Variants in LAMB3 observed in about 807,000 individuals in gnomAD.
The protein encoded by LAMB3 is laminin subunit beta 3.
In LAMB3, 104 loss-of-function variants were observed where a neutral mutation model predicts 140.3. That is an observed-to-expected ratio of 0.74 (90% CI 0.63 to 0.87). The LOEUF is 0.87. Among genes scored for constraint, LAMB3 ranks in the 40% least tolerant of loss-of-function variants. The probability of loss-of-function intolerance (pLI) is 0.00; values close to 1 mark genes in which losing one functional copy is unlikely to be tolerated. For synonymous variants in LAMB3, 592 were observed against 602.9 expected (o/e 0.98, Z 0.26); for missense variants, 1,531 against 1,575.2 (o/e 0.97, Z 0.47).
chr1:209,636,041 A>G (rs1047572664), intron 5 of LAMB3, among the ~76,000 whole-genome samples: 1 of 152,046 alleles, frequency 6.6e-6, no homozygotes, highest in South Asian at 2.1e-4. Flanking sequence ...AGATCTTTTG[A>G]TACCTGACTG....
chr1:209,648,400 C>T (rs545184058), intron 3 of LAMB3, among the ~76,000 whole-genome samples: 2 of 152,260 alleles, frequency 1.3e-5, no homozygotes, highest in South Asian at 4.1e-4. Context: ...TCTATTCTTT[C>T]CAAAAGGCTA....
At chr1:209,621,451 G>T (rs1046032883) in intron 18 of LAMB3, among the ~76,000 whole-genome samples, 2 of 152,126 alleles carry the variant, frequency 1.3e-5, no homozygotes, top group Non-Finnish European at 2.9e-5. Context: ...CCTATCTGGG[G>T]CAAAAACACT....
chr1:209,647,206 G>C (rs1331239324), intron 3 of LAMB3, among the ~76,000 whole-genome samples: 3 of 152,272 alleles, frequency 2.0e-5, no homozygotes, highest in Admixed American at 2.0e-4. Flanking sequence ...GCAAGCCCTT[G>C]AGACCAGTGG....
intron 3 of LAMB3, among the ~76,000 whole-genome samples, chr1:209,645,664 C>T (rs1422826443): frequency 2.0e-5 from 3 of 149,344 alleles, no homozygotes; most frequent in Non-Finnish European, 2.9e-5. Flanking sequence ...TGCTGTGAGC[C>T]GAGATCATGC....
chr1:209,623,782 G>A lies in LAMB3; in HGVS notation c.2138-57C>T. 1 of 1,613,398 alleles carries A rather than the reference G, an allele frequency of 6.2e-7. No individual in the cohort carries two copies. The highest frequency in any genetic ancestry group is 1.1e-5 in the South Asian group (1 of 91,056). On this transcript the variant is annotated intron_variant, in intron 15 of 22. Transcript: ENST00000356082. The surrounding 1 kb of genome is among the most constrained non-coding windows in gnomAD (Gnocchi z 4.2). ...AGGAGGAGCAGGAGGGAGAGGGGGT[G>A]GCATGCCCACCACGGCAGTGCCCAT...
chr1:209,635,072 C>T (rs569659184), intron 5 of LAMB3, among the ~76,000 whole-genome samples: 49 of 152,230 alleles, frequency 3.2e-4, no homozygotes, highest in African/African-American at 1.2e-3. Context: ...TCTGTGAGAG[C>T]TTCAATCAGT....
intron 5 of LAMB3, among the ~76,000 whole-genome samples, chr1:209,635,358 G>A (rs1002072030): frequency 1.1e-4 from 16 of 151,878 alleles, no homozygotes; most frequent in African/African-American, 3.9e-4. Flanking sequence ...CTTTCCCCAC[G>A]TTCACTCTTA....
chr1:209,643,710 T>G (rs965895554), intron 3 of LAMB3, among the ~76,000 whole-genome samples: 1 of 151,950 alleles, frequency 6.6e-6, no homozygotes, highest in Non-Finnish European at 1.5e-5. Flanking sequence ...GCTCTGATTA[T>G]GCATGGCCCA....
At chr1:209,617,022 C>T (rs1665991159) in intron 21 of LAMB3, among the ~76,000 whole-genome samples, 1 of 152,228 alleles carries the variant, frequency 6.6e-6, no homozygotes, top group South Asian at 2.1e-4. Flanking sequence ...TCTTCTCTCT[C>T]ATCTAATTCT....
intron 3 of LAMB3, among the ~76,000 whole-genome samples, chr1:209,649,367 G>A (rs150804832): frequency 1.3e-5 from 2 of 152,270 alleles, no homozygotes; most frequent in East Asian, 3.9e-4. Context: ...GAAAACCAAA[G>A]TTCCTATAAA....
At chr1:209,626,214 A>G (rs1337028150) in intron 13 of LAMB3, among the ~76,000 whole-genome samples, 188 bp from the exon 14 acceptor site, 1 of 152,240 alleles carries the variant, frequency 6.6e-6, no homozygotes, top group Non-Finnish European at 1.5e-5. Flanking sequence ...AGCACCTACC[A>G]TGTGCCAGGC....
intron 18 of LAMB3, 158 bp from the exon 19 acceptor site, chr1:209,618,817 C>T (rs532785137): frequency 4.3e-6 from 3 of 703,938 alleles, no homozygotes; most frequent in East Asian, 2.7e-5. Context: ...GACTCAGGCG[C>T]CTGTTCTCCA....
In LAMB3 at chr1:209,618,633, G is replaced by C. The variant is rs573410951; in HGVS notation, c.2728C>G (p.Gln910Glu). The C allele has an allele frequency of 6.2e-7, 1 of 1,612,752 alleles. No homozygotes were observed. Among genetic ancestry groups the C allele is most frequent in the South Asian group, 1.1e-5 (1 of 90,974 alleles). The change falls in exon 19 of 23, where the codon CAG becomes GAG. Residue 910 changes from glutamine to glutamate, a missense_variant. Transcript: ENST00000356082. ...GCCAGCACGGCCTCGCTGACCTCCT[G>C]GATAGTGGCTGCATCAGTGTCGGGG... ...TDPDTDAATIQEVSEAVLALW... is the reference protein window; with the variant it reads ...TDPDTDAATIEEVSEAVLALW...
intron 5 of LAMB3, among the ~76,000 whole-genome samples, chr1:209,635,418 T>TTGTTTGTG (rs1052721224): frequency 6.6e-6 from 1 of 151,154 alleles, no homozygotes; most frequent in African/African-American, 2.4e-5. Context: ...GTTTGTTTGT[T>TTGTTTGTG]TTGAAACAGA....
In LAMB3 at chr1:209,617,916, C is replaced by G. The variant is rs199715844; in HGVS notation, c.3042G>C (p.Arg1014Ser). The G allele has an allele frequency of 2.5e-6, 4 of 1,614,206 alleles. No individual in the cohort carries two copies. Among genetic ancestry groups the G allele is most frequent in the Admixed American group, 3.3e-5 (2 of 60,020 alleles). ...AGCCATAATGCCTCACCTCAGCAAC[C>G]CTGTCCTGGATAAGCCGAAGGGAGC... ...TSRSLRLIQD[R>S]VAEVQQVLRP... Residue 1014 changes from arginine (R) to serine (S), a missense_variant, in exon 20 of 23, where the codon AGG becomes AGC. Physicochemically the swap from Arg to Ser is moderately radical, Grantham distance 110. Transcript: ENST00000356082.
chr1:209,615,936 C>T (rs1665944164), intron 22 of LAMB3, among the ~76,000 whole-genome samples: 2 of 152,144 alleles, frequency 1.3e-5, no homozygotes, highest in Admixed American at 1.3e-4. Flanking sequence ...ACCAGCTCCT[C>T]AGCAACCCTC....
In LAMB3 at chr1:209,632,813, GA is replaced by G. The variant is rs759865350; in HGVS notation, c.629-38del. 16 of 1,594,696 alleles carry G rather than the reference GA, an allele frequency of 1.0e-5. No individual in the cohort carries two copies. The African/African-American group carries it at 1.7e-4, about 17-fold the overall frequency. ...AAACAGCAAGGAGGGAAGAGTTGGAGAATGGAAAATAAAGAAAGGAAGTTAG... is the reference window on the plus strand; with the variant it reads ...AAACAGCAAGGAGGGAAGAGTTGGAGATGGAAAATAAAGAAAGGAAGTTAG... On this transcript the variant is annotated intron_variant, in intron 7 of 22. Transcript: ENST00000356082.
At position 209,634,708 on chromosome 1, in the gene LAMB3, G is replaced by A. The variant is rs553430247; in HGVS notation, c.373-70C>T. On this transcript the variant is annotated intron_variant, in intron 5 of 22. Coordinates refer to ENST00000356082, the MANE Select transcript of LAMB3 (RefSeq NM_000228.3). ...TGCCCCGTGGAGACACAAGCAGAGAGACAGGCTCCTCCAGTGAACTCGGGA... is the reference window on the plus strand; with the variant it reads ...TGCCCCGTGGAGACACAAGCAGAGAAACAGGCTCCTCCAGTGAACTCGGGA... 3.1e-6 allele frequency: 4 copies of A among 1,299,412 alleles called. No individual in the cohort carries two copies. In the Admixed American group the frequency reaches 5.7e-5, roughly 19 times the overall value. The allele number at this position is 1,299,412 out of a possible 1,614,324, so 80.5% of individuals were successfully genotyped here.
At chr1:209,632,043 T>C (rs1558158990) in intron 8 of LAMB3, among the ~76,000 whole-genome samples, 1 of 152,222 alleles carries the variant, frequency 6.6e-6, no homozygotes, top group Non-Finnish European at 1.5e-5. Flanking sequence ...CTTGTTAAAC[T>C]GGAACGTCTC....
Sources: gnomAD v4.1 joint callset for allele counts (sites outside exome capture counted in the v4.1 genomes callset) on GRCh38, gnomAD v4.1.1 for gene constraint, Gnocchi (gnomAD v3.1) non-coding constraint, MANE v1.5 for transcripts, NCBI Gene and HGNC (gene_info 2026-07-23, HGNC 2026-07-21) for gene names.